The following ZNF608 variants were observed in gnomAD, a reference collection of about 807,000 sequenced individuals.
ZNF608 encodes the protein renal carcinoma antigen NY-REN-36.
ZNF608 carries 12 observed loss-of-function variants against 109.0 expected under a neutral mutation model. That is an observed-to-expected ratio of 0.11 (90% CI 0.07 to 0.18). The LOEUF (loss-of-function observed/expected upper bound fraction) is 0.18, where lower values mean the gene tolerates loss of function less well. Ranked by LOEUF, ZNF608 falls within the 10% of genes least tolerant of loss-of-function variation. The pLI, the probability that ZNF608 is intolerant of heterozygous loss-of-function variation, is 1.00. For synonymous variants in ZNF608, 732 were observed against 717.4 expected (o/e 1.02, Z -0.33); for missense variants, 1,707 against 1,879.3 (o/e 0.91, Z 1.70).
At chr5:124,671,551 C>T (rs534414522) in intron 3 of ZNF608, among the ~76,000 whole-genome samples, 3 of 152,196 alleles carry the variant, frequency 2.0e-5, no homozygotes, top group South Asian at 2.1e-4. Context: ...TGTCTCTTTT[C>T]CCTTAAACAA....
In ZNF608 at chr5:124,746,604, TC is replaced by T. The variant is rs928525847; in HGVS notation, c.-594del. Reference sequence around the variant, plus strand: ...TCAGAGTCACCGTGATCAGTAATGATCCCATGTAGCAAACCTACAGGCGTCC... The same window carrying T: ...TCAGAGTCACCGTGATCAGTAATGATCCATGTAGCAAACCTACAGGCGTCC... On this transcript the variant is annotated 5_prime_UTR_variant, in exon 1 of 10. An upstream open reading frame in the 5' UTR gains an earlier in-frame stop. Transcript: ENST00000513986. 1.5e-5 allele frequency: 15 copies of T among 985,324 alleles called. No individual in the cohort carries two copies. Among genetic ancestry groups the T allele is most frequent in the Non-Finnish European group, 1.8e-5 (15 of 829,918 alleles). 61.0% of individuals were successfully genotyped at this position (985,324 alleles called of 1,614,324 possible). A position where few individuals can be genotyped will look rare whatever the true frequency, so the allele number is the denominator to read the frequency against.
intron 2 of ZNF608, among the ~76,000 whole-genome samples, chr5:124,738,354 G>A (rs2149900646): frequency 6.6e-6 from 1 of 152,272 alleles, no homozygotes; most frequent in African/African-American, 2.4e-5. Context: ...TATAACACAG[G>A]AATGTAATAC....
intron 3 of ZNF608, among the ~76,000 whole-genome samples, chr5:124,699,544 G>T (rs966800302): frequency 6.6e-6 from 1 of 152,108 alleles, no homozygotes; most frequent in Non-Finnish European, 1.5e-5. Flanking sequence ...GCTGACCATA[G>T]CTACTTTCAG....
chr5:124,726,050 T>A (rs903787171), intron 2 of ZNF608, among the ~76,000 whole-genome samples: 1 of 152,204 alleles, frequency 6.6e-6, no homozygotes, highest in Non-Finnish European at 1.5e-5. Context: ...CAGAAACGAT[T>A]TGTGCTAATG....
intron 3 of ZNF608, among the ~76,000 whole-genome samples, chr5:124,684,568 T>A (rs1752328688): frequency 6.6e-6 from 1 of 152,196 alleles, no homozygotes; most frequent in South Asian, 2.1e-4. Flanking sequence ...GGATGGGGGA[T>A]AATGTCACCA....
Position 124,637,868 on chromosome 5 carries a change from C to A in ZNF608, c.*32G>T. 6.2e-7 allele frequency: 1 copy of A among 1,602,132 alleles called. No individual in the cohort carries two copies. The highest frequency in any genetic ancestry group is 8.5e-7 in the Non-Finnish European group (1 of 1,173,862). On this transcript the variant is annotated 3_prime_UTR_variant, in exon 10 of 10. Transcript: ENST00000513986. The stretch of plus-strand genomic sequence containing the variant: ...GTATAAAGCGCTTCCCCATGTGATC[C>A]AGTCACATGACAATGTACATGTCCA...
Position 124,647,922 on chromosome 5 carries a change from T to G in ZNF608, c.2462A>C (p.Asp821Ala). The G allele has an allele frequency of 1.2e-6, 2 of 1,614,188 alleles. No homozygotes were observed. The highest frequency in any genetic ancestry group is 1.7e-6 in the Non-Finnish European group (2 of 1,180,022). Reference sequence around the variant, plus strand: ...GCTTCCCGTCTCTTTCCCTTCTTTGTCCTTTAGCTTTCGCTTCTCCTTTTT... The same window carrying G: ...GCTTCCCGTCTCTTTCCCTTCTTTGGCCTTTAGCTTTCGCTTCTCCTTTTT... ...KKKKEKRKLK[D>A]KEGKETGSPK... The change falls in exon 5 of 10, where the codon GAC becomes GCC. Residue 821 changes from aspartate (D) to alanine (A), a missense_variant. Coordinates refer to ENST00000513986, the MANE Select transcript of ZNF608 (RefSeq NM_020747.3).
At chr5:124,726,662 TA>T (rs142658513) in intron 2 of ZNF608, among the ~76,000 whole-genome samples, 10,695 of 135,410 alleles carry the variant, frequency 0.079, 660 homozygotes, top group African/African-American at 0.18. Flanking sequence ...AAGATTTGTT[TA>T]AAAAAAAAAA....
At chr5:124,658,863 A>G (rs532295392) in intron 3 of ZNF608, among the ~76,000 whole-genome samples, 2 of 152,308 alleles carry the variant, frequency 1.3e-5, no homozygotes, top group East Asian at 1.9e-4. Flanking sequence ...TGGGAAAGGT[A>G]TTTTGTAATT....
chr5:124,678,779 C>T (rs1340897829), intron 3 of ZNF608, among the ~76,000 whole-genome samples: 1 of 152,180 alleles, frequency 6.6e-6, no homozygotes, highest in East Asian at 1.9e-4. Flanking sequence ...AGTGACTGGA[C>T]TCTAGTGCTC....
intron 3 of ZNF608, among the ~76,000 whole-genome samples, chr5:124,680,780 G>A (rs1185769741): frequency 6.6e-6 from 1 of 152,190 alleles, no homozygotes; most frequent in African/African-American, 2.4e-5. Flanking sequence ...AATATCTTCA[G>A]AGAAATGAGG....
chr5:124,722,576 TACACACACACACACACACACACAC>T (rs10556672), intron 2 of ZNF608, among the ~76,000 whole-genome samples: 2 of 144,976 alleles, frequency 1.4e-5, no homozygotes, highest in South Asian at 2.3e-4. Context: ...ACCCTTAAAA[TACACACACACACACACACACACAC>T]ACACACACAC....
chr5:124,726,088 T>C (rs1024737171), intron 2 of ZNF608, among the ~76,000 whole-genome samples: 3 of 152,196 alleles, frequency 2.0e-5, no homozygotes, highest in African/African-American at 7.2e-5. Flanking sequence ...TGAGTCTCAT[T>C]TTAACCTGAC....
chr5:124,661,419 C>T (rs1293695653), intron 3 of ZNF608, among the ~76,000 whole-genome samples: 3 of 151,598 alleles, frequency 2.0e-5, no homozygotes, highest in African/African-American at 7.3e-5. Flanking sequence ...TTCTTGACAG[C>T]ACTCAGAGGC....
chr5:124,660,238 G>T (rs1359018860), intron 3 of ZNF608, among the ~76,000 whole-genome samples: 1 of 152,036 alleles, frequency 6.6e-6, no homozygotes, highest in Non-Finnish European at 1.5e-5. Flanking sequence ...GCACACAAAG[G>T]GGTACATTTT....
chr5:124,746,263 A>G lies in ZNF608; in HGVS notation c.-252T>C, dbSNP rs976259773. ...ATGCCTTTCCCACTCCACTCGGCAAACAAGCCTGTGCCTCATTTTACTTAA... is the reference window on the plus strand; with the variant it reads ...ATGCCTTTCCCACTCCACTCGGCAAGCAAGCCTGTGCCTCATTTTACTTAA... On this transcript the variant is annotated 5_prime_UTR_variant, in exon 1 of 10. Coordinates refer to ENST00000513986, the MANE Select transcript of ZNF608 (RefSeq NM_020747.3). The G allele has an allele frequency of 1.0e-6, 1 of 985,342 alleles. No homozygotes were observed. The highest frequency in any genetic ancestry group is 6.1e-5 in the Admixed American group (1 of 16,266). 61.0% of individuals were successfully genotyped at this position (985,342 alleles called of 1,614,324 possible). A position where few individuals can be genotyped will look rare whatever the true frequency, so the allele number is the denominator to read the frequency against.
chr5:124,669,470 ACAG>A (rs1751624714), intron 3 of ZNF608, among the ~76,000 whole-genome samples: 1 of 152,194 alleles, frequency 6.6e-6, no homozygotes, highest in Non-Finnish European at 1.5e-5. Context: ...GGAACAGTGG[ACAG>A]CATACAATAC....
At chr5:124,650,238 T>G (rs1025798818) in intron 3 of ZNF608, among the ~76,000 whole-genome samples, 1 of 152,324 alleles carries the variant, frequency 6.6e-6, no homozygotes, top group Non-Finnish European at 1.5e-5. Context: ...AGAGTCCAGA[T>G]AGCAGACAAT....
chr5:124,721,975 A>T (rs1306039860), intron 2 of ZNF608, among the ~76,000 whole-genome samples: 1 of 142,150 alleles, frequency 7.0e-6, no homozygotes, highest in Non-Finnish European at 1.5e-5. Context: ...AAAAAAAAGA[A>T]CTCAAAGCCA....
Sources: gnomAD v4.1 joint callset for allele counts (sites outside exome capture counted in the v4.1 genomes callset) on GRCh38, gnomAD v4.1.1 for gene constraint, MANE v1.5 for transcripts, NCBI Gene and HGNC (gene_info 2026-07-23, HGNC 2026-07-21) for gene names.